The following PLPPR1 variants were observed in gnomAD, a reference collection of about 807,000 sequenced individuals.
The protein encoded by PLPPR1 is phospholipid phosphatase-related protein type 1.
PLPPR1 carries 10 observed loss-of-function variants against 33.1 expected under a neutral mutation model. The observed-to-expected ratio is 0.30, with a 90% CI of 0.19 to 0.51. The LOEUF is 0.51. PLPPR1 is among the 20% of genes least tolerant of loss of function. PLPPR1 has a pLI of 0.97. For synonymous variants in PLPPR1, 151 were observed against 151.0 expected (o/e 1.00, Z 0.00); for missense variants, 304 against 408.1 (o/e 0.74, Z 2.20).
intron 2 of PLPPR1, among the ~76,000 whole-genome samples, chr9:101,203,061 C>T (rs1432249581): frequency 2.6e-5 from 4 of 152,138 alleles, no homozygotes; most frequent in Admixed American, 6.6e-5. Context: ...CTCAAATCAT[C>T]GATTTTTTAC....
chr9:101,035,536 G>C (rs1003322788), intron 1 of PLPPR1, among the ~76,000 whole-genome samples: 7 of 151,906 alleles, frequency 4.6e-5, no homozygotes, highest in African/African-American at 1.7e-4. Context: ...AACTCCTTTG[G>C]GTTTTTAGGT....
intron 2 of PLPPR1, among the ~76,000 whole-genome samples, chr9:101,214,324 A>G (rs1826745543): frequency 6.6e-6 from 1 of 152,240 alleles, no homozygotes; most frequent in Non-Finnish European, 1.5e-5. Flanking sequence ...CACTGCCAAC[A>G]TATTCTAACT....
In PLPPR1 at chr9:101,286,153, C is replaced by A. The variant is rs866615719; in HGVS notation, c.302C>A (p.Ser101Tyr). The A allele has an allele frequency of 6.2e-7, 1 of 1,610,852 alleles. No homozygotes were observed. The highest frequency in any genetic ancestry group is 8.5e-7 in the Non-Finnish European group (1 of 1,177,212). ...SMYFIKSTRE[S>Y]LIAQEKTILT... is the part of the protein sequence containing the mutation. ...TATTTCATAAAATCAACAAGAGAATCCCTGATTGCTCAGGAGAAAACAATT... is the reference window on the plus strand; with the variant it reads ...TATTTCATAAAATCAACAAGAGAATACCTGATTGCTCAGGAGAAAACAATT... The change falls in exon 4 of 8, where the codon TCC (serine) becomes TAC (tyrosine). Residue 101 changes from serine to tyrosine, a missense_variant. Transcript: ENST00000374874.
At chr9:101,279,810 G>A (rs770368715) in intron 3 of PLPPR1, among the ~76,000 whole-genome samples, 12 of 151,996 alleles carry the variant, frequency 7.9e-5, no homozygotes, top group Non-Finnish European at 1.6e-4. Context: ...TCAAGCAAAA[G>A]CAGTACTAAG....
At chr9:101,241,924 T>G (rs747200248) in intron 2 of PLPPR1, among the ~76,000 whole-genome samples, 9 of 152,220 alleles carry the variant, frequency 5.9e-5, no homozygotes, top group Admixed American at 1.3e-4. Context: ...TAATCATTTA[T>G]TTTTTAAAAT....
In PLPPR1 at chr9:101,121,383, G is replaced by A. The variant is rs529569075; in HGVS notation, c.-45-64067G>A. On this transcript the variant is annotated intron_variant, in intron 1 of 7. Coordinates refer to ENST00000374874, the MANE Select transcript of PLPPR1 (RefSeq NM_207299.2). ...GAGACTCAGAGCATTTAAGTCAGTT[G>A]TCTAAGTTCACATCATAGTAGAACC... is the stretch of plus-strand genomic sequence containing the variant. 3.9e-5 allele frequency among the ~76,000 whole-genome samples: 6 copies of A among 152,236 alleles called. No individual in the cohort carries two copies. The East Asian group carries it at 1.2e-3, about 29-fold the overall frequency.
At chr9:101,057,392 G>A (rs1830290408) in intron 1 of PLPPR1, among the ~76,000 whole-genome samples, 1 of 152,098 alleles carries the variant, frequency 6.6e-6, no homozygotes, top group Non-Finnish European at 1.5e-5. Flanking sequence ...TTTATGATCA[G>A]AAAAGTGGAT....
At chr9:101,054,803 G>A (rs1009712350) in intron 1 of PLPPR1, among the ~76,000 whole-genome samples, 1 of 152,126 alleles carries the variant, frequency 6.6e-6, no homozygotes, top group Non-Finnish European at 1.5e-5. Context: ...AAACCTCTCC[G>A]TGTGCATTTG....
Position 101,030,448 on chromosome 9 carries a change from T to C in PLPPR1, c.-46+1346T>C, listed in dbSNP as rs76677556. ...GTTTTGAGGTGTCTAGAATGTCACA[T>C]CTGGAGCGTAAAAGACTTCACTATT... On this transcript the variant is annotated intron_variant, in intron 1 of 7. Transcript: ENST00000374874. 7.7e-3 allele frequency among the ~76,000 whole-genome samples: 1,173 copies of C among 151,428 alleles called. 11 individuals carry two copies. Among genetic ancestry groups the C allele is most frequent in the African/African-American group, 0.028 (1,135 of 41,234 alleles).
chr9:101,243,264 A>AGGAT (rs1291088083), intron 2 of PLPPR1, among the ~76,000 whole-genome samples: 2 of 151,992 alleles, frequency 1.3e-5, no homozygotes, highest in African/African-American at 4.8e-5. Flanking sequence ...TATCCTCTAG[A>AGGAT]AAAAGGACAT....
rs569687009 is a variant in PLPPR1, at chr9:101,203,357, A to AG, written c.63+17807dup. ...TATATAGGATTTAAGCAGAGACCTT[A>AG]GGGGGGGAAAAAGACTTTATGGTCC... On this transcript the variant is annotated intron_variant, in intron 2 of 7. Coordinates refer to ENST00000374874, the MANE Select transcript of PLPPR1 (RefSeq NM_207299.2). Among the ~76,000 whole-genome samples the AG allele has an allele frequency of 2.3e-3, 347 of 152,214 alleles. 3 individuals are homozygous for AG. Among genetic ancestry groups the AG allele is most frequent in the African/African-American group, 7.8e-3 (322 of 41,542 alleles).
chr9:101,063,540 C>A (rs1830371338), intron 1 of PLPPR1, among the ~76,000 whole-genome samples: 1 of 152,080 alleles, frequency 6.6e-6, no homozygotes, highest in African/African-American at 2.4e-5. Context: ...TTCAGCTCCT[C>A]AACACAGAAT....
intron 1 of PLPPR1, among the ~76,000 whole-genome samples, chr9:101,139,512 A>G (rs549451859): frequency 1.3e-5 from 2 of 152,332 alleles, no homozygotes; most frequent in African/African-American, 4.8e-5. Flanking sequence ...TTTAGACTGG[A>G]AGAAAAGATA....
At chr9:101,031,244 T>A (rs1829941536) in intron 1 of PLPPR1, among the ~76,000 whole-genome samples, 1 of 152,206 alleles carries the variant, frequency 6.6e-6, no homozygotes, top group Non-Finnish European at 1.5e-5. Flanking sequence ...GAGCTCTTTA[T>A]TTGCTTTGTT....
chr9:101,071,125 G>A (rs1445209651), intron 1 of PLPPR1, among the ~76,000 whole-genome samples: 3 of 152,114 alleles, frequency 2.0e-5, no homozygotes, highest in Non-Finnish European at 2.9e-5. Flanking sequence ...GGTAAGGCCA[G>A]TTTGGTGACA....
chr9:101,317,786 T>C (rs534975509), intron 7 of PLPPR1, among the ~76,000 whole-genome samples: 5 of 152,160 alleles, frequency 3.3e-5, no homozygotes, highest in Non-Finnish European at 7.3e-5. Flanking sequence ...TTCATGAAAT[T>C]TGCACTAATC....
chr9:101,059,005 A>C (rs1830311007), intron 1 of PLPPR1, among the ~76,000 whole-genome samples: 1 of 152,152 alleles, frequency 6.6e-6, no homozygotes, highest in African/African-American at 2.4e-5. Flanking sequence ...GCCACTTACT[A>C]TTCTGGTGGG....
chr9:101,149,807 T>G (rs185592147), intron 1 of PLPPR1, among the ~76,000 whole-genome samples: 37 of 152,258 alleles, frequency 2.4e-4, no homozygotes, highest in African/African-American at 7.7e-4. Context: ...GGGAAAGATA[T>G]GTCTTTTTTA....
At chr9:101,075,927 A>G (rs1114853) in intron 1 of PLPPR1, among the ~76,000 whole-genome samples, 86,191 of 151,770 alleles carry the variant, frequency 0.57, 24,534 homozygotes, top group Non-Finnish European at 0.6. Flanking sequence ...CAGAGGGAAC[A>G]ATCAGTGCAA....
Sources: gnomAD v4.1 joint callset for allele counts (sites outside exome capture counted in the v4.1 genomes callset) on GRCh38, gnomAD v4.1.1 for gene constraint, MANE v1.5 for transcripts, NCBI Gene and HGNC (gene_info 2026-07-23, HGNC 2026-07-21) for gene names.